The following ABCA13 variants were observed in gnomAD, a reference collection of about 807,000 sequenced individuals.
The protein encoded by ABCA13 is ATP binding cassette subfamily A member 13.
ABCA13 carries 476 observed loss-of-function variants against 478.7 expected under a neutral mutation model. The observed-to-expected ratio is 0.99, with a 90% CI of 0.92 to 1.07. The LOEUF is 1.07. Among genes scored for constraint, ABCA13 ranks in the 50% least tolerant of loss-of-function variants. ABCA13 has a pLI of 0.00. For synonymous variants in ABCA13, 2,252 were observed against 2,158.9 expected (o/e 1.04, Z -1.20); for missense variants, 6,060 against 5,910.6 (o/e 1.03, Z -0.83).
At chr7:48,402,074 T>G (rs771062209) in intron 38 of ABCA13, among the ~76,000 whole-genome samples, 4 of 152,170 alleles carry the variant, frequency 2.6e-5, no homozygotes, top group Non-Finnish European at 2.9e-5. Context: ...GAAGCGTTCC[T>G]GAAGTTCAAT....
In ABCA13 at chr7:48,274,838, T is replaced by C; in HGVS notation, c.5172T>C (p.Asn1724=). ...TTGCAGACAGCTCACATTCTTGGAA[T>C]GTTAATCATCTGCTGCAGCTCTCAC... ...EKFADSSHSW[N]VNHLLQLSRL... is the part of the protein sequence containing the mutation. The change falls in exon 17 of 62, where the codon AAT becomes AAC. Residue 1724 remains asparagine, a synonymous_variant. Transcript: ENST00000435803. 1.2e-6 allele frequency: 2 copies of C among 1,613,968 alleles called. No individual in the cohort carries two copies. The highest frequency in any genetic ancestry group is 1.7e-6 in the Non-Finnish European group (2 of 1,179,852).
At chr7:48,402,167 A>T (rs1817699038) in intron 38 of ABCA13, among the ~76,000 whole-genome samples, 1 of 152,176 alleles carries the variant, frequency 6.6e-6, no homozygotes, top group South Asian at 2.1e-4. Context: ...CCCAGAGGGT[A>T]CCATAGACAT....
intron 28 of ABCA13, among the ~76,000 whole-genome samples, chr7:48,337,879 G>A (rs751091586): frequency 2.6e-5 from 4 of 152,172 alleles, no homozygotes; most frequent in African/African-American, 7.2e-5. Flanking sequence ...CAATAATAAC[G>A]AGAGAAGAAT....
At chr7:48,635,767 T>C (rs534319165) in intron 59 of ABCA13, among the ~76,000 whole-genome samples, 1 of 152,272 alleles carries the variant, frequency 6.6e-6, no homozygotes, top group Admixed American at 6.5e-5. Flanking sequence ...AGCTGGGAGG[T>C]AGCAGAAGAG....
intron 59 of ABCA13, among the ~76,000 whole-genome samples, chr7:48,625,345 A>G (rs1368800990): frequency 6.6e-6 from 1 of 152,230 alleles, no homozygotes; most frequent in African/African-American, 2.4e-5. Flanking sequence ...CACTTTCACA[A>G]ATGGGGAAGG....
rs1793691782 is a variant in ABCA13, at chr7:48,626,599, T to C, written c.14837+11222T>C. The C allele has an allele frequency of 3.0e-6, 3 of 985,170 alleles. No homozygotes were observed. In the South Asian group the frequency reaches 1.4e-4, roughly 46 times the overall value. The allele number at this position is 985,170 out of a possible 1,614,324, so 61.0% of individuals were successfully genotyped here. The stretch of plus-strand genomic sequence containing the variant: ...TTAAACAGAAATTTTTGTTCTCTAG[T>C]AGGAAGTTAAATAAGACAAACTGAA... On this transcript the variant is annotated intron_variant, in intron 59 of 61. Coordinates refer to ENST00000435803, the MANE Select transcript of ABCA13 (RefSeq NM_152701.5).
chr7:48,464,325 T>G (rs1044980431), intron 43 of ABCA13, among the ~76,000 whole-genome samples: 2 of 152,236 alleles, frequency 1.3e-5, no homozygotes, highest in Non-Finnish European at 2.9e-5. Flanking sequence ...GAGGTCACAC[T>G]GCCTACTTAT....
intron 26 of ABCA13, among the ~76,000 whole-genome samples, chr7:48,316,320 C>T (rs1296185333): frequency 1.3e-5 from 2 of 152,200 alleles, no homozygotes; most frequent in South Asian, 2.1e-4. Context: ...ATAAAAAAAG[C>T]TCAGTTCCGG....
intron 58 of ABCA13, among the ~76,000 whole-genome samples, chr7:48,598,459 T>C (rs1355794823): frequency 6.6e-6 from 1 of 152,256 alleles, no homozygotes; most frequent in Non-Finnish European, 1.5e-5. Flanking sequence ...ATGTGATTGC[T>C]GGATCGGATG....
Position 48,427,887 on chromosome 7 carries a change from C to T in ABCA13, c.12565+16C>T, listed in dbSNP as rs765402223. ...TCTGGCTACTGTAAGTACAGAATGG[C>T]TTCCTGCATTTCTGCTGGAGGAACA... On this transcript the variant is annotated intron_variant, in intron 42 of 61. Transcript: ENST00000435803. The T allele has an allele frequency of 4.0e-6, 6 of 1,517,434 alleles. No individual in the cohort carries two copies. Among genetic ancestry groups the T allele is most frequent in the East Asian group, 2.3e-5 (1 of 44,034 alleles). The allele number at this position is 1,517,434 out of a possible 1,614,324, so 94.0% of individuals were successfully genotyped here.
chr7:48,616,300 C>G (rs1484396829), intron 59 of ABCA13, among the ~76,000 whole-genome samples: 1 of 152,204 alleles, frequency 6.6e-6, no homozygotes, highest in East Asian at 1.9e-4. Context: ...TGGTCAGCCT[C>G]ACAGTTGCTT....
intron 59 of ABCA13, among the ~76,000 whole-genome samples, chr7:48,624,668 G>A (rs1446202794): frequency 1.3e-5 from 2 of 151,708 alleles, no homozygotes; most frequent in Non-Finnish European, 2.9e-5. Context: ...CGATTCTCCT[G>A]CCTTAGCCTC....
intron 50 of ABCA13, among the ~76,000 whole-genome samples, chr7:48,510,847 G>A (rs1331010860): frequency 6.6e-6 from 1 of 151,626 alleles, no homozygotes; most frequent in African/African-American, 2.4e-5. Context: ...TCAAAGTCCT[G>A]TCTTCAAATA....
At chr7:48,408,978 C>T (rs1275165755) in intron 39 of ABCA13, among the ~76,000 whole-genome samples, 4 of 152,158 alleles carry the variant, frequency 2.6e-5, no homozygotes, top group Non-Finnish European at 5.9e-5. Context: ...GTTTGCTAAG[C>T]ATGATGGCCT....
At chr7:48,188,920 G>A (rs1796719679) in intron 1 of ABCA13, among the ~76,000 whole-genome samples, 3 of 152,294 alleles carry the variant, frequency 2.0e-5, no homozygotes, top group Middle Eastern at 3.4e-3. Context: ...GGGAAGCTCC[G>A]GGGTACAGGA....
chr7:48,314,134 G>T, intron 25 of ABCA13, 98 bp from the exon 26 acceptor site: 1 of 1,286,974 alleles, frequency 7.8e-7, no homozygotes. Context: ...TGAATATCTT[G>T]TACATTCAGT....
At chr7:48,424,813 A>C (rs767237113) in intron 41 of ABCA13, among the ~76,000 whole-genome samples, 2 of 152,244 alleles carry the variant, frequency 1.3e-5, no homozygotes, top group Admixed American at 6.5e-5. Context: ...GTCTGCCATC[A>C]AGACTCCAAA....
At chr7:48,615,559 C>T (rs1792488145) in intron 59 of ABCA13, among the ~76,000 whole-genome samples, 182 bp downstream of exon 59, 1 of 151,720 alleles carries the variant, frequency 6.6e-6, no homozygotes, top group South Asian at 2.1e-4. Flanking sequence ...TAGCAACTCC[C>T]AAACACAGTC....
intron 57 of ABCA13, among the ~76,000 whole-genome samples, chr7:48,587,851 A>G (rs1414164798): frequency 1.3e-5 from 2 of 152,246 alleles, no homozygotes; most frequent in South Asian, 4.1e-4. Context: ...GGAGGCAACA[A>G]TTGTCAAGAA....
Sources: allele counts gnomAD v4.1 joint callset (sites outside exome capture counted in the v4.1 genomes callset), GRCh38; gene constraint gnomAD v4.1.1; transcripts MANE v1.5; gene names NCBI Gene and HGNC (gene_info 2026-07-23, HGNC 2026-07-21).